VAC14: variants seen among roughly 807,000 people sequenced by gnomAD.
VAC14 encodes VAC14 component of PIKFYVE complex.
VAC14 carries 47 observed loss-of-function variants against 85.3 expected under a neutral mutation model. That is an observed-to-expected ratio of 0.55 (90% CI 0.44 to 0.70). The LOEUF is 0.70. Ranked by LOEUF, VAC14 falls within the 30% of genes least tolerant of loss-of-function variation. VAC14 has a pLI of 0.00. For synonymous variants in VAC14, 447 were observed against 430.5 expected, an observed-to-expected ratio of 1.04 and a Z score of -0.47; for missense variants, 861 against 1,004.3, an observed-to-expected ratio of 0.86 and a Z score of 1.93.
intron 14 of VAC14, chr16:70,714,965 G>C (rs1349577722): frequency 6.6e-6 from 1 of 152,380 alleles, no homozygotes; most frequent in Non-Finnish European, 1.5e-5. Flanking sequence ...AGCTCTGTGA[G>C]CCAGCCACCT....
rs141911400 is a variant in VAC14 at position 70,754,486 on chromosome 16, C to T, written c.1371+8054G>A. 9.9e-4 allele frequency among the ~76,000 whole-genome samples: 151 copies of T among 152,282 alleles called. 2 individuals are homozygous for T. In the East Asian group the frequency reaches 0.02, roughly 21 times the overall value. ...GGAGTCTAGCTGCTTTGCTGGCTGGCGGTGGCCCTTCTCCCTGGCACATGA... is the reference window on the plus strand; with the variant it reads ...GGAGTCTAGCTGCTTTGCTGGCTGGTGGTGGCCCTTCTCCCTGGCACATGA... On this transcript the variant is annotated intron_variant, in intron 12 of 18. Transcript: ENST00000261776.
At chr16:70,757,446 C>A (rs79206176) in intron 12 of VAC14, among the ~76,000 whole-genome samples, 8,121 of 152,232 alleles carry the variant, frequency 0.053, 349 homozygotes, top group Non-Finnish European at 0.08. Context: ...CTGCTCTGGG[C>A]AGCCTCAGCC....
intron 12 of VAC14, among the ~76,000 whole-genome samples, chr16:70,746,559 G>A (rs549504851): frequency 1.3e-5 from 2 of 152,334 alleles, no homozygotes; most frequent in East Asian, 3.9e-4. Context: ...CAGGAGCAAG[G>A]GGTGCCCCTC....
chr16:70,778,058 A>G (rs1378818978), intron 9 of VAC14, among the ~76,000 whole-genome samples: 1 of 152,204 alleles, frequency 6.6e-6, no homozygotes, highest in African/African-American at 2.4e-5. Flanking sequence ...GAACTAGTAC[A>G]AAGTGAGCTT....
chr16:70,741,008 T>C (rs2030237838), intron 13 of VAC14, among the ~76,000 whole-genome samples: 2 of 152,148 alleles, frequency 1.3e-5, no homozygotes, highest in South Asian at 2.1e-4. Flanking sequence ...CACCATGTGG[T>C]TCCCTACAGA....
In VAC14 at chr16:70,690,184, G is replaced by A. The variant is rs1056459526; in HGVS notation, c.2187-2094C>T. The A allele has an allele frequency of 4.1e-6, 4 of 985,392 alleles. No homozygotes were observed. The African/African-American group carries it at 5.2e-5, about 13-fold the overall frequency. The allele number at this position is 985,392 out of a possible 1,614,324, so 61.0% of individuals were successfully genotyped here. A position where few individuals can be genotyped will look rare whatever the true frequency, so the allele number is the denominator to read the frequency against. On this transcript the variant is annotated intron_variant, in intron 18 of 18. Transcript: ENST00000261776. ...CATCTGCTCCCTGGGCCCTTAGGGT[G>A]GCAAGAAGTCCTGCTCCCTGTGATG...
intron 14 of VAC14, among the ~76,000 whole-genome samples, chr16:70,717,443 C>CT (rs888144423): frequency 6.6e-6 from 1 of 152,148 alleles, no homozygotes; most frequent in East Asian, 1.9e-4. Context: ...CTTTATTTTT[C>CT]TTTTTTTAAA....
chr16:70,688,438 C>T, intron 18 of VAC14: 1 of 1,004,740 alleles, frequency 1.0e-6, no homozygotes, highest in Non-Finnish European at 1.2e-6. Context: ...AGCCAGGAAG[C>T]CAGCTGGGGC....
At chr16:70,774,314 G>A (rs1173537611) in intron 9 of VAC14, among the ~76,000 whole-genome samples, 3 of 152,080 alleles carry the variant, frequency 2.0e-5, no homozygotes, top group East Asian at 1.9e-4. Flanking sequence ...ATGTCTCCCC[G>A]TTTGGGTTGG....
chr16:70,796,682 A>G (rs993738010), intron 1 of VAC14, among the ~76,000 whole-genome samples: 1 of 152,190 alleles, frequency 6.6e-6, no homozygotes, highest in African/African-American at 2.4e-5. Context: ...ACCATGGCCA[A>G]ACCAAAGGAA....
chr16:70,766,496 T>G, intron 10 of VAC14: 1 of 456,794 alleles, frequency 2.2e-6, no homozygotes, highest in Non-Finnish European at 4.4e-6. Context: ...AGGCTGCTAC[T>G]GAGGCGGTCC....
chr16:70,755,139 C>T, intron 12 of VAC14: 3 of 266,334 alleles, frequency 1.1e-5, no homozygotes, highest in South Asian at 9.3e-5. Flanking sequence ...TTCTACACCA[C>T]CCTGCAGCAG....
intron 14 of VAC14, among the ~76,000 whole-genome samples, chr16:70,725,546 C>T (rs373551361): frequency 6.6e-6 from 1 of 152,094 alleles, no homozygotes; most frequent in African/African-American, 2.4e-5. Flanking sequence ...CCTATTCCCC[C>T]TCTTCCCAAC....
At chr16:70,697,964 C>T (rs2053747246) in intron 15 of VAC14, among the ~76,000 whole-genome samples, 1 of 143,208 alleles carries the variant, frequency 7.0e-6, no homozygotes, top group African/African-American at 2.6e-5. Flanking sequence ...TGACCCCTGT[C>T]CCCGCACGGC....
chr16:70,698,397 G>A (rs2053756392), intron 15 of VAC14, among the ~76,000 whole-genome samples: 1 of 152,186 alleles, frequency 6.6e-6, no homozygotes. Flanking sequence ...GGGTCAGGGT[G>A]GACACGTGGA....
chr16:70,730,639 C>T lies in VAC14; in HGVS notation c.1661+856G>A, dbSNP rs937681672. On this transcript the variant is annotated intron_variant, in intron 14 of 18. Coordinates refer to ENST00000261776, the MANE Select transcript of VAC14 (RefSeq NM_018052.5). Reference sequence around the variant, plus strand: ...TGGAGACAGAGTCTTGCTCTTTCGCCCAGGCTGGAGTGCAGTGGTGTGATC... The same window carrying T: ...TGGAGACAGAGTCTTGCTCTTTCGCTCAGGCTGGAGTGCAGTGGTGTGATC... 2.7e-5 allele frequency among the ~76,000 whole-genome samples: 4 copies of T among 149,762 alleles called. No individual in the cohort carries two copies. The East Asian group carries it at 5.9e-4, about 22-fold the overall frequency.
At chr16:70,743,182 T>G (rs942291873) in intron 13 of VAC14, among the ~76,000 whole-genome samples, 9 of 151,626 alleles carry the variant, frequency 5.9e-5, no homozygotes, top group Admixed American at 6.6e-5. Context: ...GCACTGTGTG[T>G]CTAAAGGATT....
chr16:70,785,726 G>T lies in VAC14; in HGVS notation c.399C>A (p.Asn133Lys). 4 of 1,566,106 alleles carry T rather than the reference G, an allele frequency of 2.6e-6. No individual in the cohort carries two copies. Among genetic ancestry groups the T allele is most frequent in the African/African-American group, 1.3e-5 (1 of 74,118 alleles). The change falls in exon 3 of 19, where the codon AAC becomes AAA. Residue 133 changes from asparagine to lysine, a missense_variant. Physicochemically the swap from Asn to Lys is moderately conservative, Grantham distance 94 (BLOSUM62 0). This residue lies in a region of VAC14 where 629 missense variants were observed against 703.1 expected (regional missense o/e 0.89). Transcript: ENST00000261776. ...VARGAVLPHF[N>K]VLFDGLSKLA... ...CCTTGCTCAGCCCGTCAAAGAGCAC[G>T]TTGAAGTGGGGCAGCACAGCGCCCC...
At chr16:70,765,381 G>A (rs370752242) in intron 10 of VAC14, among the ~76,000 whole-genome samples, 31 of 152,302 alleles carry the variant, frequency 2.0e-4, no homozygotes, top group African/African-American at 4.8e-4. Flanking sequence ...AGGATCAGTG[G>A]TGTGTCTGAG....
Sources: allele counts gnomAD v4.1 joint callset (sites outside exome capture counted in the v4.1 genomes callset), GRCh38; gene constraint gnomAD v4.1.1; regional missense constraint gnomAD v4.1.1; transcripts MANE v1.5; gene names NCBI Gene and HGNC (gene_info 2026-07-23, HGNC 2026-07-21).